Variants in IGF2BP3 observed in about 807,000 individuals in gnomAD.
IGF2BP3 encodes insulin-like growth factor 2 mRNA-binding protein 3.
In IGF2BP3, 9 loss-of-function variants were observed where a neutral mutation model predicts 73.8. The observed-to-expected ratio is 0.12, with a 90% CI of 0.07 to 0.21. The LOEUF (loss-of-function observed/expected upper bound fraction) is 0.21, where lower values mean the gene tolerates loss of function less well. Among genes scored for constraint, IGF2BP3 ranks in the 10% least tolerant of loss-of-function variants. The pLI, the probability that IGF2BP3 is intolerant of heterozygous loss-of-function variation, is 1.00. For missense variants in IGF2BP3, 542 were observed against 714.0 expected (o/e 0.76, Z 2.75); for synonymous variants, 258 against 256.7 (o/e 1.01, Z -0.05).
chr7:23,408,070 A>C (rs1305505014), intron 3 of IGF2BP3, among the ~76,000 whole-genome samples: 1 of 152,078 alleles, frequency 6.6e-6, no homozygotes, highest in African/African-American at 2.4e-5. Context: ...CATCATATAG[A>C]TTGTCAACAA....
intron 2 of IGF2BP3, 59 bp downstream of exon 2, chr7:23,468,423 T>G (rs1788620794): frequency 6.4e-7 from 1 of 1,560,106 alleles, no homozygotes; most frequent in African/African-American, 1.4e-5. Flanking sequence ...CTCAGCTGAG[T>G]CTCTCCACCC....
chr7:23,391,085 C>G (rs1786260317), intron 3 of IGF2BP3, among the ~76,000 whole-genome samples: 1 of 147,278 alleles, frequency 6.8e-6, no homozygotes, highest in Non-Finnish European at 1.5e-5. Context: ...AGGCGTGAAC[C>G]ATCGCGCCTG....
intron 3 of IGF2BP3, among the ~76,000 whole-genome samples, chr7:23,384,943 A>G (rs1465756737): frequency 1.3e-5 from 2 of 152,192 alleles, no homozygotes. Flanking sequence ...GGTGTATTAA[A>G]TGAATTTTCA....
At chr7:23,409,910 T>G (rs1217887942) in intron 3 of IGF2BP3, among the ~76,000 whole-genome samples, 2 of 152,200 alleles carry the variant, frequency 1.3e-5, no homozygotes, top group African/African-American at 2.4e-5. Flanking sequence ...GGCTCAAGCC[T>G]CTAATCCCAG....
In IGF2BP3 at chr7:23,312,370, G is replaced by A. The variant is rs141308145; in HGVS notation, c.1732C>T (p.Arg578Trp). 23 of 1,610,478 alleles carry A rather than the reference G, an allele frequency of 1.4e-5. No individual in the cohort carries two copies. Among genetic ancestry groups the A allele is most frequent in the African/African-American group, 4.0e-5 (3 of 74,818 alleles). The change falls in exon 15 of 15, where the codon CGG (arginine) becomes TGG (tryptophan). Residue 578 changes from arginine (R) to tryptophan (W), a missense_variant. Physicochemically the swap from Arg to Trp is moderately radical, Grantham distance 101 (BLOSUM62 -3). Transcript: ENST00000258729. The part of the protein sequence containing the change: ...ALQSGPPQSR[R>W]K ...GGCTGTTTCCTGAGCCTTTACTTCC[G>A]TCTTGACTGAGGTGGTCCACTTTGC...
At position 23,432,664 on chromosome 7, in the gene IGF2BP3, G is replaced by A. The variant is rs540330550; in HGVS notation, c.237-13840C>T. Among the ~76,000 whole-genome samples the A allele has an allele frequency of 6.7e-5, 10 of 150,224 alleles. No individual in the cohort carries two copies. The South Asian group carries it at 2.1e-3, about 31-fold the overall frequency. ...TTTTTTTTTTTTTTTGGTGGAGAGA[G>A]GGTCTTGCTCTGTTGCTCAGACTGG... is the stretch of plus-strand genomic sequence containing the variant. On this transcript the variant is annotated intron_variant, in intron 2 of 14. Transcript: ENST00000258729.
At chr7:23,396,041 GTTTTTT>G (rs10718892) in intron 3 of IGF2BP3, among the ~76,000 whole-genome samples, 1 of 143,438 alleles carries the variant, frequency 7.0e-6, no homozygotes, top group African/African-American at 2.6e-5. Context: ...AATCCAGTGA[GTTTTTT>G]TTTTTTTTTT....
intron 2 of IGF2BP3, among the ~76,000 whole-genome samples, chr7:23,461,279 T>C (rs769971136): frequency 2.6e-5 from 4 of 152,262 alleles, no homozygotes; most frequent in Admixed American, 2.0e-4. Flanking sequence ...CCTACAGCCA[T>C]AGGCTCAGTC....
At chr7:23,399,013 C>T (rs62468249) in intron 3 of IGF2BP3, among the ~76,000 whole-genome samples, 5 of 152,180 alleles carry the variant, frequency 3.3e-5, no homozygotes, top group East Asian at 1.9e-4. Flanking sequence ...GTATTGCCTA[C>T]GTTTTCTTCT....
Position 23,368,689 on chromosome 7 carries a change from G to A in IGF2BP3, c.286-6948C>T, listed in dbSNP as rs1289924789. ...AAAGCGGGCGGATCACCTGAGGTCA[G>A]GAGTTTGAGACCAGCCTGACCAACA... On this transcript the variant is annotated intron_variant, in intron 3 of 14. Coordinates refer to ENST00000258729, the MANE Select transcript of IGF2BP3 (RefSeq NM_006547.3). Among the ~76,000 whole-genome samples the A allele has an allele frequency of 3.3e-5, 5 of 152,224 alleles. No homozygotes were observed. In the East Asian group the frequency reaches 9.7e-4, roughly 29 times the overall value.
intron 3 of IGF2BP3, among the ~76,000 whole-genome samples, chr7:23,379,187 T>G (rs1785827725): frequency 3.3e-5 from 5 of 152,334 alleles, no homozygotes; most frequent in African/African-American, 1.2e-4. Context: ...TTTTTTCCTT[T>G]TGAAATTTAT....
chr7:23,467,234 T>C (rs963427165), intron 2 of IGF2BP3, among the ~76,000 whole-genome samples: 7 of 152,106 alleles, frequency 4.6e-5, no homozygotes, highest in African/African-American at 1.7e-4. Context: ...TTTGTGAAAA[T>C]GCTTTGCCTG....
chr7:23,331,399 T>A (rs1021176006), intron 10 of IGF2BP3, among the ~76,000 whole-genome samples: 1 of 152,164 alleles, frequency 6.6e-6, no homozygotes, highest in African/African-American at 2.4e-5. Flanking sequence ...TAAAGCACCT[T>A]CAGATATAGC....
intron 2 of IGF2BP3, among the ~76,000 whole-genome samples, chr7:23,466,726 T>A (rs1300370668): frequency 6.6e-6 from 1 of 152,170 alleles, no homozygotes; most frequent in African/African-American, 2.4e-5. Flanking sequence ...TTTAAATTAA[T>A]CCCCTACACC....
chr7:23,453,990 C>T (rs529032933), intron 2 of IGF2BP3, among the ~76,000 whole-genome samples: 19 of 152,278 alleles, frequency 1.2e-4, no homozygotes, highest in African/African-American at 4.6e-4. Context: ...CCATGCCTGG[C>T]TAATTTTTGT....
chr7:23,466,027 T>TTG (rs1009560686), intron 2 of IGF2BP3, among the ~76,000 whole-genome samples: 2 of 151,546 alleles, frequency 1.3e-5, no homozygotes, highest in Non-Finnish European at 3.0e-5. Flanking sequence ...AAAAAAGGTT[T>TTG]TTTTTTTTTT....
rs570800647 is a variant in IGF2BP3 at position 23,371,397 on chromosome 7, C to G, written c.286-9656G>C. Among the ~76,000 whole-genome samples the G allele has an allele frequency of 9.2e-5, 14 of 152,300 alleles. No homozygotes were observed. In the East Asian group the frequency reaches 2.3e-3, roughly 25 times the overall value. ...GTCATGGGCAAGATCATCTCAGGAA[C>G]TGTTCTTTTACATCTATTTGTGAGA... is the stretch of plus-strand genomic sequence containing the variant. On this transcript the variant is annotated intron_variant, in intron 3 of 14. Transcript: ENST00000258729.
chr7:23,449,807 T>G (rs887367390), intron 2 of IGF2BP3, among the ~76,000 whole-genome samples: 1 of 151,980 alleles, frequency 6.6e-6, no homozygotes, highest in Non-Finnish European at 1.5e-5. Context: ...AAGTGATCCA[T>G]GTGGCTACCT....
chr7:23,388,012 C>T (rs1017751081), intron 3 of IGF2BP3, among the ~76,000 whole-genome samples: 2 of 152,078 alleles, frequency 1.3e-5, no homozygotes, highest in African/African-American at 4.8e-5. Context: ...GTGATCTCAG[C>T]TCACTGCAAG....
Sources: allele counts gnomAD v4.1 joint callset (sites outside exome capture counted in the v4.1 genomes callset), GRCh38; gene constraint gnomAD v4.1.1; transcripts MANE v1.5; gene names NCBI Gene and HGNC (gene_info 2026-07-23, HGNC 2026-07-21).